Variants in SESTD1 observed in about 807,000 individuals in gnomAD.
SESTD1 encodes the protein SEC14 and spectrin domain containing 1.
In SESTD1, 43 loss-of-function variants were observed where a neutral mutation model predicts 101.7. That is an observed-to-expected ratio of 0.42 (90% CI 0.33 to 0.55). SESTD1 has a LOEUF of 0.55. Ranked by LOEUF, SESTD1 falls within the 20% of genes least tolerant of loss-of-function variation. The probability of loss-of-function intolerance (pLI) is 0.07; values close to 1 mark genes in which losing one functional copy is unlikely to be tolerated. For synonymous variants in SESTD1, 283 were observed against 286.8 expected, an observed-to-expected ratio of 0.99 and a Z score of 0.13; for missense variants, 647 against 815.1, an observed-to-expected ratio of 0.79 and a Z score of 2.51.
At chr2:179,119,007 T>C (rs539733907) in intron 13 of SESTD1, among the ~76,000 whole-genome samples, 4 of 152,252 alleles carry the variant, frequency 2.6e-5, no homozygotes, top group African/African-American at 9.6e-5. Flanking sequence ...AGCATGATGC[T>C]TTCAGGGAGA....
chr2:179,181,780 A>C (rs927700419), intron 3 of SESTD1, among the ~76,000 whole-genome samples: 4 of 152,126 alleles, frequency 2.6e-5, no homozygotes, highest in Non-Finnish European at 5.9e-5. Context: ...TGTAAGCTAT[A>C]AGTCTGGCTA....
chr2:179,191,478 T>A lies in SESTD1; in HGVS notation c.55+309A>T, dbSNP rs184603696. ...GGCTGAAAAACTACCTACTGGGTAT[T>A]ATGGTCACTACCTGGGTGAGGAGAA... On this transcript the variant is annotated intron_variant, in intron 2 of 17. Transcript: ENST00000428443. 8.5e-5 allele frequency among the ~76,000 whole-genome samples: 13 copies of A among 152,198 alleles called. 1 individual carries two copies. The East Asian group carries it at 2.1e-3, about 25-fold the overall frequency.
intron 1 of SESTD1, among the ~76,000 whole-genome samples, chr2:179,243,048 T>C (rs1162161844): frequency 1.3e-5 from 2 of 152,144 alleles, no homozygotes; most frequent in African/African-American, 2.4e-5. Context: ...TCACAAATTA[T>C]GTATCTGACA....
At chr2:179,175,772 C>T (rs775265728) in intron 4 of SESTD1, among the ~76,000 whole-genome samples, 51 of 152,192 alleles carry the variant, frequency 3.4e-4, no homozygotes, top group Admixed American at 1.3e-3. Context: ...CAAATGTCTA[C>T]TGGGTGCCTA....
At chr2:179,120,787 G>GT (rs2044732052) in intron 13 of SESTD1, among the ~76,000 whole-genome samples, 2 of 152,192 alleles carry the variant, frequency 1.3e-5, no homozygotes, top group South Asian at 4.1e-4. Context: ...TGAATGTACC[G>GT]TAAACCTATC....
intron 1 of SESTD1, among the ~76,000 whole-genome samples, chr2:179,229,749 T>TTGAGTA (rs1491118463): frequency 2.8e-5 from 3 of 106,362 alleles, no homozygotes; most frequent in African/African-American, 1.0e-4. Flanking sequence ...TTGTAAGAAC[T>TTGAGTA]TATATATATA....
In SESTD1 at chr2:179,105,380, T is replaced by C. The variant is rs1023392888; in HGVS notation, c.*4519A>G. On this transcript the variant is annotated 3_prime_UTR_variant, in exon 18 of 18. Coordinates refer to ENST00000428443, the MANE Select transcript of SESTD1 (RefSeq NM_178123.5). The stretch of plus-strand genomic sequence containing the variant: ...TCACTTGTCTTCCATCTTGCTGTTC[T>C]ATTATCTTCCTACAAAAATAGCTAA... 3.3e-5 allele frequency: 5 copies of C among 152,174 alleles called. No homozygotes were observed. The highest frequency in any genetic ancestry group is 1.9e-4 in the East Asian group (1 of 5,186). 9.4% of individuals were successfully genotyped at this position (152,174 alleles called of 1,614,324 possible).
chr2:179,110,655 T>C lies in SESTD1; in HGVS notation c.1962-627A>G, dbSNP rs185439369. 2.1e-3 allele frequency among the ~76,000 whole-genome samples: 321 copies of C among 152,260 alleles called. 1 individual carries two copies. Among genetic ancestry groups the C allele is most frequent in the African/African-American group, 7.2e-3 (298 of 41,566 alleles). ...AAAACCAGAATTTGAACCTAGGTCT[T>C]TGAGCAGTGAATCCAGAGAGACCAT... is the stretch of plus-strand genomic sequence containing the variant. On this transcript the variant is annotated intron_variant, in intron 17 of 17. Transcript: ENST00000428443.
chr2:179,158,614 A>T (rs762356399), intron 5 of SESTD1, among the ~76,000 whole-genome samples: 6 of 152,268 alleles, frequency 3.9e-5, no homozygotes, highest in South Asian at 2.1e-4. Flanking sequence ...TAATTTTTTT[A>T]AAAAAATTGA....
chr2:179,166,083 G>A (rs2045829217), intron 5 of SESTD1, among the ~76,000 whole-genome samples: 1 of 152,146 alleles, frequency 6.6e-6, no homozygotes, highest in Admixed American at 6.5e-5. Context: ...TGCCAGCCAG[G>A]TAGGAATTTA....
intron 1 of SESTD1, among the ~76,000 whole-genome samples, chr2:179,253,221 T>C (rs1426918353): frequency 6.6e-6 from 1 of 151,952 alleles, no homozygotes; most frequent in Non-Finnish European, 1.5e-5. Flanking sequence ...AAACTATCAT[T>C]TAAAACAAAC....
intron 5 of SESTD1, among the ~76,000 whole-genome samples, chr2:179,170,523 T>A (rs2045913878): frequency 6.6e-6 from 1 of 152,154 alleles, no homozygotes. Flanking sequence ...AATTCCTAGG[T>A]GACAGGAGCA....
chr2:179,123,238 TC>T (rs2044792784), intron 12 of SESTD1, among the ~76,000 whole-genome samples: 1 of 152,084 alleles, frequency 6.6e-6, no homozygotes, highest in African/African-American at 2.4e-5. Flanking sequence ...TGTACCCCAC[TC>T]CTTGGAGAAT....
chr2:179,263,030 G>A (rs1361022881), intron 1 of SESTD1, among the ~76,000 whole-genome samples: 1 of 152,054 alleles, frequency 6.6e-6, no homozygotes, highest in Non-Finnish European at 1.5e-5. Context: ...TCTAATGCTG[G>A]GGAAAAACTA....
intron 5 of SESTD1, among the ~76,000 whole-genome samples, chr2:179,157,618 A>T (rs1330686837): frequency 6.6e-6 from 1 of 152,118 alleles, no homozygotes; most frequent in African/African-American, 2.4e-5. Context: ...GGTCTATGTG[A>T]CTATTTTTAT....
intron 1 of SESTD1, among the ~76,000 whole-genome samples, chr2:179,246,147 C>T (rs1363943450): frequency 4.0e-5 from 6 of 149,970 alleles, no homozygotes; most frequent in African/African-American, 1.2e-4. Context: ...CCCAGATACT[C>T]AGGAGGCTGA....
intron 5 of SESTD1, among the ~76,000 whole-genome samples, chr2:179,152,161 G>T (rs929040603): frequency 6.6e-5 from 10 of 152,100 alleles, no homozygotes; most frequent in African/African-American, 2.4e-4. Context: ...GACTTGATAA[G>T]AAAAATAATG....
intron 1 of SESTD1, among the ~76,000 whole-genome samples, chr2:179,206,825 C>T (rs772101651): frequency 1.0e-4 from 14 of 134,048 alleles, no homozygotes; most frequent in Non-Finnish European, 2.1e-4. Flanking sequence ...CCTAGCCCTG[C>T]TCTCTGGCTG....
intron 2 of SESTD1, among the ~76,000 whole-genome samples, chr2:179,183,562 G>C (rs529355515): frequency 2.0e-4 from 31 of 151,964 alleles, no homozygotes; most frequent in South Asian, 4.1e-4. Flanking sequence ...ATATTTAGGA[G>C]ATAAGAAATA....
Sources: gnomAD v4.1 joint callset for allele counts (sites outside exome capture counted in the v4.1 genomes callset) on GRCh38, gnomAD v4.1.1 for gene constraint, MANE v1.5 for transcripts, NCBI Gene and HGNC (gene_info 2026-07-23, HGNC 2026-07-21) for gene names.